The following DHCR24 variants were observed in gnomAD, a reference collection of about 807,000 sequenced individuals.
DHCR24 encodes the protein 24-dehydrocholesterol reductase.
Under a neutral mutation model 61.2 loss-of-function variants are expected in DHCR24, and 28 were observed. The observed-to-expected ratio is 0.46, with a 90% CI of 0.34 to 0.63. DHCR24 has a LOEUF of 0.63. DHCR24 is among the 20% of genes least tolerant of loss of function. DHCR24 has a pLI of 0.01. For synonymous variants in DHCR24, 261 were observed against 275.9 expected, an observed-to-expected ratio of 0.95 and a Z score of 0.54; for missense variants, 538 against 679.1, an observed-to-expected ratio of 0.79 and a Z score of 2.31.
In DHCR24 at chr1:54,852,195, C is replaced by T. The variant is rs558604828; in HGVS notation, c.*38G>A. 168 of 1,613,356 alleles carry T rather than the reference C, an allele frequency of 1.0e-4. 3 individuals are homozygous for T. In the South Asian group the frequency reaches 1.8e-3, roughly 17 times the overall value. On this transcript the variant is annotated 3_prime_UTR_variant, in exon 9 of 9. Coordinates refer to ENST00000371269, the MANE Select transcript of DHCR24 (RefSeq NM_014762.4). ...GCTTGAGTGAAGGGAAGATGCCTGA[C>T]CACTCACACGTGTCTGTCTCTCCAG...
Position 54,853,612 on chromosome 1 carries a change from C to A in DHCR24, c.1219G>T (p.Val407Phe). The change falls in exon 8 of 9, where the codon GTC becomes TTC. Residue 407 changes from valine to phenylalanine, a missense_variant and splice_region_variant. Physicochemically the swap from Val to Phe is conservative, Grantham distance 50. Coordinates refer to ENST00000371269, the MANE Select transcript of DHCR24 (RefSeq NM_014762.4). ...AACGGACACAGCCAGATGGGGTAGA[C>A]CTGGGTAGACCAGGGAGGTGGGTAT... ...ALHTFQNDIH[V>F]YPIWLCPFIL... 1 of 1,613,204 alleles carries A rather than the reference C, an allele frequency of 6.2e-7. No homozygotes were observed. Among genetic ancestry groups the A allele is most frequent in the Non-Finnish European group, 8.5e-7 (1 of 1,179,716 alleles).
In DHCR24 at chr1:54,876,876, A is replaced by G. The variant is rs79154181; in HGVS notation, c.388-829T>C. ...CAGTACGTCCTGACAACATGTGCCC[A>G]AGGAGGCTGGTGCACAGCTTGATCT... On this transcript the variant is annotated intron_variant, in intron 2 of 8. Coordinates refer to ENST00000371269, the MANE Select transcript of DHCR24 (RefSeq NM_014762.4). Among the ~76,000 whole-genome samples, 1,125 of 151,936 alleles carry G rather than the reference A, an allele frequency of 7.4e-3. 29 individuals are homozygous for G. Among genetic ancestry groups the G allele is most frequent in the African/African-American group, 0.025 (1,021 of 41,434 alleles).
chr1:54,869,195 C>T (rs755668790), intron 5 of DHCR24, among the ~76,000 whole-genome samples: 8 of 152,152 alleles, frequency 5.3e-5, no homozygotes, highest in Non-Finnish European at 8.8e-5. Flanking sequence ...CAAAATAAAA[C>T]GAGATACTAT....
At position 54,852,089 on chromosome 1, in the gene DHCR24, G is replaced by C; in HGVS notation, c.*144C>G. On this transcript the variant is annotated 3_prime_UTR_variant, in exon 9 of 9. Transcript: ENST00000371269. ...CACTGGGCTGCCCCCTGGAAGCCAG[G>C]AGGAAGGTGGTGTTGGGCTGTCAGG... 3.2e-6 allele frequency: 3 copies of C among 944,996 alleles called. No individual in the cohort carries two copies. Among genetic ancestry groups the C allele is most frequent in the Non-Finnish European group, 4.8e-6 (3 of 631,330 alleles). 58.5% of individuals were successfully genotyped at this position (944,996 alleles called of 1,614,324 possible). A position where few individuals can be genotyped will look rare whatever the true frequency, so the allele number is the denominator to read the frequency against.
At chr1:54,880,788 A>T (rs568481533) in intron 2 of DHCR24, among the ~76,000 whole-genome samples, 1 of 127,258 alleles carries the variant, frequency 7.9e-6, no homozygotes, top group East Asian at 2.2e-4. Flanking sequence ...ATAAACAAAC[A>T]AACAAACAAA....
intron 5 of DHCR24, among the ~76,000 whole-genome samples, chr1:54,868,436 C>T (rs1646979445): frequency 6.6e-6 from 1 of 151,904 alleles, no homozygotes; most frequent in African/African-American, 2.4e-5. Context: ...CGCCACTGCA[C>T]TCCAGCCTGG....
chr1:54,862,567 C>G (rs755972549), intron 6 of DHCR24, among the ~76,000 whole-genome samples: 8 of 152,164 alleles, frequency 5.3e-5, no homozygotes, highest in Non-Finnish European at 1.0e-4. Context: ...CCCTAACCTG[C>G]AAGGTGTCCC....
chr1:54,884,834 G>A (rs74899804), intron 1 of DHCR24, among the ~76,000 whole-genome samples: 2,985 of 152,256 alleles, frequency 0.02, 40 homozygotes, highest in Middle Eastern at 0.031. Flanking sequence ...TCGCTAAGCC[G>A]GTTGGATATG....
At chr1:54,870,053 CAAA>C (rs372873383) in intron 5 of DHCR24, among the ~76,000 whole-genome samples, 3 of 127,468 alleles carry the variant, frequency 2.4e-5, no homozygotes, top group Middle Eastern at 4.3e-3. Context: ...GACTCCATCT[CAAA>C]AAAAAAAAAA....
intron 6 of DHCR24, among the ~76,000 whole-genome samples, chr1:54,864,927 C>T (rs750479728): frequency 1.3e-5 from 2 of 152,190 alleles, no homozygotes; most frequent in Admixed American, 6.5e-5. Flanking sequence ...GCTGTTACCT[C>T]GAGCCCTAGG....
chr1:54,859,894 C>T lies in DHCR24; in HGVS notation c.1020+5409G>A, dbSNP rs149115163. Among the ~76,000 whole-genome samples the T allele has an allele frequency of 1.9e-3, 283 of 152,344 alleles. 1 individual carries two copies. Among genetic ancestry groups the T allele is most frequent in the African/African-American group, 6.7e-3 (277 of 41,578 alleles). The stretch of plus-strand genomic sequence containing the variant: ...GTTCCTCTCCTTTCTCTTAACAAAA[C>T]CACACTCCACAACCTTAACACTGCT... On this transcript the variant is annotated intron_variant, in intron 6 of 8. Transcript: ENST00000371269.
At chr1:54,865,554 C>T (rs1646963867) in intron 5 of DHCR24, 108 bp from the exon 6 acceptor site, 1 of 1,444,406 alleles carries the variant, frequency 6.9e-7, no homozygotes, top group Non-Finnish European at 9.6e-7. Context: ...CTTTTCAAAG[C>T]TCTTTCATGT....
intron 6 of DHCR24, among the ~76,000 whole-genome samples, chr1:54,859,535 G>A (rs560035843): frequency 1.4e-4 from 22 of 151,824 alleles, no homozygotes; most frequent in African/African-American, 2.9e-4. Context: ...GTACACTGGC[G>A]TGATCTTGGC....
At chr1:54,868,937 T>A (rs1646982275) in intron 5 of DHCR24, among the ~76,000 whole-genome samples, 1 of 151,876 alleles carries the variant, frequency 6.6e-6, no homozygotes, top group Non-Finnish European at 1.5e-5. Flanking sequence ...TGCAGTGGCA[T>A]GCGCCTGTAT....
intron 4 of DHCR24, among the ~76,000 whole-genome samples, chr1:54,872,772 T>A (rs965283877): frequency 6.6e-6 from 1 of 152,134 alleles, no homozygotes; most frequent in Non-Finnish European, 1.5e-5. Flanking sequence ...TCTCTGCCGA[T>A]AATAAATAGG....
Position 54,852,358 on chromosome 1 carries a change from T to C in DHCR24, c.1426A>G (p.Met476Val), listed in dbSNP as rs927740632. Reference sequence around the variant, plus strand: ...ATCTCCCAGAACTCCTCCCGGTTCATGTAGCAGTCGGCATACAGCATCTGG... The same window carrying C: ...ATCTCCCAGAACTCCTCCCGGTTCACGTAGCAGTCGGCATACAGCATCTGG... ...GFQMLYADCY[M>V]NREEFWEMFD... The change falls in exon 9 of 9, where the codon ATG becomes GTG. Residue 476 changes from methionine (M) to valine (V), a missense_variant. Physicochemically the swap from Met to Val is conservative, Grantham distance 21 (BLOSUM62 1). Transcript: ENST00000371269. The C allele has an allele frequency of 3.1e-6, 5 of 1,614,158 alleles. No individual in the cohort carries two copies. The highest frequency in any genetic ancestry group is 4.2e-6 in the Non-Finnish European group (5 of 1,180,046).
intron 8 of DHCR24, 104 bp downstream of exon 8, chr1:54,853,330 T>G (rs1332444706): frequency 6.9e-7 from 1 of 1,458,192 alleles, no homozygotes; most frequent in African/African-American, 1.4e-5. Context: ...AACCAGTTGA[T>G]AGGCTTGGGG....
At chr1:54,872,698 A>G (rs1027252820) in intron 4 of DHCR24, among the ~76,000 whole-genome samples, 1 of 152,082 alleles carries the variant, frequency 6.6e-6, no homozygotes, top group African/African-American at 2.4e-5. Context: ...TCTCAACCAC[A>G]TATTTGTCAG....
In DHCR24 at chr1:54,850,963, T is replaced by C. The variant is rs1646872139; in HGVS notation, c.*1270A>G. On this transcript the variant is annotated 3_prime_UTR_variant, in exon 9 of 9. Transcript: ENST00000371269. ...TCCCTTAATTCCAGCTTCCCTTACA[T>C]GACGCAATTCCTTCTCAGATTCGGG... 6.6e-6 allele frequency: 1 copy of C among 152,380 alleles called. No homozygotes were observed. Among genetic ancestry groups the C allele is most frequent in the African/African-American group, 2.4e-5 (1 of 41,440 alleles). The allele number at this position is 152,380 out of a possible 1,614,324, so 9.4% of individuals were successfully genotyped here.
Sources: gnomAD v4.1 joint callset for allele counts (sites outside exome capture counted in the v4.1 genomes callset) on GRCh38, gnomAD v4.1.1 for gene constraint, MANE v1.5 for transcripts, NCBI Gene and HGNC (gene_info 2026-07-23, HGNC 2026-07-21) for gene names.